PALLD: variants seen among roughly 807,000 people sequenced by gnomAD.
The protein encoded by PALLD is palladin.
A neutral mutation model predicts 123.5 loss-of-function variants in PALLD; 61 were observed. The ratio of observed to expected loss-of-function variants is 0.49; its 90% CI spans 0.40 to 0.61. The LOEUF (loss-of-function observed/expected upper bound fraction) is 0.61. Ranked by LOEUF, PALLD falls within the 20% of genes least tolerant of loss-of-function variation. The pLI is 0.00. For missense variants in PALLD, 1,273 were observed against 1,377.0 expected (o/e 0.92, Z 1.20); for synonymous variants, 465 against 496.4 (o/e 0.94, Z 0.84).
chr4:168,715,942 T>TC (rs1785323793), intron 10 of PALLD, among the ~76,000 whole-genome samples: 1 of 149,984 alleles, frequency 6.7e-6, no homozygotes, highest in Non-Finnish European at 1.5e-5. Flanking sequence ...AGAGCGACAC[T>TC]CCATCTCAAA....
chr4:168,677,686 CCTT>C (rs1335812836), intron 3 of PALLD, among the ~76,000 whole-genome samples: 1 of 152,182 alleles, frequency 6.6e-6, no homozygotes, highest in African/African-American at 2.4e-5. Context: ...TCACCCCCGA[CCTT>C]CTGATCGCCT....
At chr4:168,779,759 A>G (rs906217889) in intron 10 of PALLD, among the ~76,000 whole-genome samples, 2 of 152,142 alleles carry the variant, frequency 1.3e-5, no homozygotes, top group Non-Finnish European at 2.9e-5. Flanking sequence ...TCCCTGTAAC[A>G]TTCTAAATTT....
At position 168,926,940 on chromosome 4, in the gene PALLD, C is replaced by G. The variant is rs1762647769; in HGVS notation, c.*760C>G. ...ATATTAAATCATAAGGAAGGAACTA[C>G]TTGCCTTAAATGTTAATATCAAAAG... On this transcript the variant is annotated 3_prime_UTR_variant, in exon 22 of 22. Transcript: ENST00000505667. 1 of 219,682 alleles carries G rather than the reference C, an allele frequency of 4.6e-6. No individual in the cohort carries two copies. Among genetic ancestry groups the G allele is most frequent in the African/African-American group, 2.3e-5 (1 of 44,374 alleles). 13.6% of individuals were successfully genotyped at this position (219,682 alleles called of 1,614,324 possible).
intron 2 of PALLD, among the ~76,000 whole-genome samples, chr4:168,649,990 A>G (rs962733102): frequency 2.6e-5 from 4 of 152,052 alleles, no homozygotes; most frequent in Non-Finnish European, 5.9e-5. Context: ...CCTGGCCAAC[A>G]TGGTGAAACC....
At chr4:168,845,644 C>T (rs1162230714) in intron 10 of PALLD, among the ~76,000 whole-genome samples, 1 of 152,070 alleles carries the variant, frequency 6.6e-6, no homozygotes, top group African/African-American at 2.4e-5. Flanking sequence ...CGAAGGGTTC[C>T]TGGAACCAGT....
chr4:168,545,074 G>A (rs1423628613), intron 2 of PALLD, among the ~76,000 whole-genome samples: 1 of 152,154 alleles, frequency 6.6e-6, no homozygotes, highest in Non-Finnish European at 1.5e-5. Flanking sequence ...AAATCAAAGT[G>A]GTGGCAGAAA....
chr4:168,739,010 G>A (rs1581219532), intron 10 of PALLD, among the ~76,000 whole-genome samples: 1 of 152,106 alleles, frequency 6.6e-6, no homozygotes, highest in Non-Finnish European at 1.5e-5. Flanking sequence ...CCATGTATGA[G>A]TGGAACATGC....
rs112960246 is a variant in PALLD, at chr4:168,530,305, T to A, written c.908+17893T>A. Among the ~76,000 whole-genome samples the A allele has an allele frequency of 5.5e-3, 840 of 152,342 alleles. 5 individuals are homozygous for A. The highest frequency in any genetic ancestry group is 0.019 in the African/African-American group (804 of 41,570). On this transcript the variant is annotated intron_variant, in intron 2 of 21. Coordinates refer to ENST00000505667, the MANE Select transcript of PALLD (RefSeq NM_001166108.2). ...CCTTATTCTCTCATCTTGCTATTGA[T>A]GTCCATTACGTGCATTTGGACTATG...
At chr4:168,641,247 C>CT (rs1438590142) in intron 2 of PALLD, among the ~76,000 whole-genome samples, 2 of 151,084 alleles carry the variant, frequency 1.3e-5, no homozygotes, top group Non-Finnish European at 1.5e-5. Context: ...GGCCCTGGCT[C>CT]TAAGACATAC....
chr4:168,640,010 T>C (rs1410137898), intron 2 of PALLD, among the ~76,000 whole-genome samples: 1 of 152,202 alleles, frequency 6.6e-6, no homozygotes, highest in Non-Finnish European at 1.5e-5. Context: ...AAGTGCTCCA[T>C]GCATCTCAAA....
chr4:168,807,761 A>C (rs929461578), intron 10 of PALLD, among the ~76,000 whole-genome samples: 2 of 151,980 alleles, frequency 1.3e-5, no homozygotes, highest in Non-Finnish European at 2.9e-5. Context: ...GCTGGAGTAC[A>C]ATGGTGCAAT....
chr4:168,625,135 G>A (rs941812595), intron 2 of PALLD, among the ~76,000 whole-genome samples: 1 of 151,940 alleles, frequency 6.6e-6, no homozygotes, highest in African/African-American at 2.4e-5. Context: ...TAATAGAAGT[G>A]ATTAGATATT....
intron 10 of PALLD, among the ~76,000 whole-genome samples, chr4:168,777,455 G>A (rs1054747355): frequency 6.6e-6 from 1 of 152,132 alleles, no homozygotes; most frequent in African/African-American, 2.4e-5. Flanking sequence ...GTGATTATCA[G>A]ACACCTGCAT....
In PALLD at chr4:168,928,299, T is replaced by C. The variant is rs1400427259; in HGVS notation, c.*2119T>C. 1 of 176,788 alleles carries C rather than the reference T, an allele frequency of 5.7e-6. No homozygotes were observed. Among genetic ancestry groups the C allele is most frequent in the Non-Finnish European group, 1.2e-5 (1 of 83,984 alleles). The allele number at this position is 176,788 out of a possible 1,614,324, so 11.0% of individuals were successfully genotyped here. The stretch of plus-strand genomic sequence containing the variant: ...TGCTGGGTTTGGGATTAACTAGCAT[T>C]ATTTTGCCACCTTTATATTGTATTT... On this transcript the variant is annotated 3_prime_UTR_variant, in exon 22 of 22. Transcript: ENST00000505667.
At chr4:168,760,018 C>T (rs1358069668) in intron 10 of PALLD, among the ~76,000 whole-genome samples, 3 of 151,490 alleles carry the variant, frequency 2.0e-5, no homozygotes, top group African/African-American at 4.9e-5. Context: ...GGCACCACTG[C>T]ACTCCAGCCT....
At chr4:168,885,909 CCTAA>C (rs771404524) in intron 10 of PALLD, among the ~76,000 whole-genome samples, 9 of 152,282 alleles carry the variant, frequency 5.9e-5, no homozygotes, top group Admixed American at 4.6e-4. Context: ...TCTTCCAGGA[CCTAA>C]CTATTTGGGT....
rs1026403221 is a variant in PALLD, at chr4:168,705,103, G to A, written c.1502-3925G>A. Among the ~76,000 whole-genome samples the A allele has an allele frequency of 5.3e-5, 8 of 152,060 alleles. No individual in the cohort carries two copies. The East Asian group carries it at 9.6e-4, about 18-fold the overall frequency. ...TTTTGCTTGCAGGTGACTTAACTGCGTTTTTAAGACAGCACAATTTTGAAG... is the reference window on the plus strand; with the variant it reads ...TTTTGCTTGCAGGTGACTTAACTGCATTTTTAAGACAGCACAATTTTGAAG... On this transcript the variant is annotated intron_variant, in intron 8 of 21. Coordinates refer to ENST00000505667, the MANE Select transcript of PALLD (RefSeq NM_001166108.2).
intron 2 of PALLD, among the ~76,000 whole-genome samples, chr4:168,538,282 C>A (rs1765277199): frequency 2.0e-5 from 3 of 152,166 alleles, no homozygotes; most frequent in Middle Eastern, 3.4e-3. Context: ...AATCCACTTC[C>A]TTTTTTCTAT....
intron 1 of PALLD, among the ~76,000 whole-genome samples, chr4:168,503,068 C>T (rs913302190): frequency 6.6e-6 from 1 of 150,980 alleles, no homozygotes; most frequent in Non-Finnish European, 1.5e-5. Context: ...ATTTCAAACA[C>T]CCGGTATTTC....
Sources: allele counts gnomAD v4.1 joint callset (sites outside exome capture counted in the v4.1 genomes callset), GRCh38; gene constraint gnomAD v4.1.1; transcripts MANE v1.5; gene names NCBI Gene and HGNC (gene_info 2026-07-23, HGNC 2026-07-21).